Variants in TNNI3K observed in about 807,000 individuals in gnomAD.
TNNI3K encodes TNNI3 interacting kinase.
Under a neutral mutation model 114.5 loss-of-function variants are expected in TNNI3K, and 140 were observed. That is an observed-to-expected ratio of 1.22 (90% CI 1.07 to 1.41). The LOEUF is 1.41. Ranked by LOEUF, TNNI3K falls within the 40% of genes most tolerant of loss-of-function variation. TNNI3K has a pLI of 0.00. For synonymous variants in TNNI3K, 347 were observed against 347.5 expected (o/e 1.00, Z 0.02); for missense variants, 1,125 against 1,007.6 (o/e 1.12, Z -1.58).
At chr1:74,540,599 C>CT (rs138609658) in intron 24 of TNNI3K, among the ~76,000 whole-genome samples, 57,244 of 109,996 alleles carry the variant, frequency 0.52, 12,964 homozygotes, top group Non-Finnish European at 0.61. Flanking sequence ...AAGTACAACT[C>CT]TTTTTTTAAA....
At chr1:74,245,456 A>AT (rs978262943) in intron 2 of TNNI3K, among the ~76,000 whole-genome samples, 1 of 152,130 alleles carries the variant, frequency 6.6e-6, no homozygotes, top group Non-Finnish European at 1.5e-5. Flanking sequence ...CTCCCAGGAC[A>AT]TTTTTCAGTA....
chr1:74,373,117 C>T (rs1216605078), intron 17 of TNNI3K: 1 of 151,828 alleles, frequency 6.6e-6, no homozygotes, highest in African/African-American at 2.4e-5. Flanking sequence ...GAGCCTGGGT[C>T]CTTTCCCTCA....
chr1:74,442,921 A>G (rs1666440983), intron 20 of TNNI3K, among the ~76,000 whole-genome samples: 1 of 151,580 alleles, frequency 6.6e-6, no homozygotes, highest in Admixed American at 6.6e-5. Flanking sequence ...TCCTGAGTAA[A>G]AAAATGAAAT....
chr1:74,398,714 C>T (rs145219748), intron 17 of TNNI3K, among the ~76,000 whole-genome samples: 5 of 152,190 alleles, frequency 3.3e-5, no homozygotes, highest in African/African-American at 4.8e-5. Flanking sequence ...TTGATTCAGA[C>T]GATGGGAGCC....
At chr1:74,381,287 C>G (rs1383916392) in intron 17 of TNNI3K, among the ~76,000 whole-genome samples, 2 of 152,108 alleles carry the variant, frequency 1.3e-5, no homozygotes, top group Non-Finnish European at 1.5e-5. Context: ...TACCTGTGTC[C>G]TTGGTCAATT....
intron 17 of TNNI3K, among the ~76,000 whole-genome samples, chr1:74,394,410 A>G (rs918180561): frequency 6.6e-6 from 1 of 152,192 alleles, no homozygotes; most frequent in African/African-American, 2.4e-5. Context: ...TATTTACTAT[A>G]TGAAGGAAAT....
At chr1:74,305,766 AACTCATTAAAAAT>A (rs1417954740) in intron 5 of TNNI3K, among the ~76,000 whole-genome samples, 2 of 152,222 alleles carry the variant, frequency 1.3e-5, no homozygotes, top group African/African-American at 4.8e-5. Flanking sequence ...CAAAAGAAAG[AACTCATTAAAAAT>A]ACATATTATA....
At chr1:74,259,849 C>T (rs532010060) in intron 4 of TNNI3K, among the ~76,000 whole-genome samples, 2 of 152,128 alleles carry the variant, frequency 1.3e-5, no homozygotes, top group Non-Finnish European at 2.9e-5. Context: ...TAATGTTTTA[C>T]TAGCTAACTA....
chr1:74,276,836 T>G (rs917321368), intron 5 of TNNI3K, among the ~76,000 whole-genome samples: 2 of 152,128 alleles, frequency 1.3e-5, no homozygotes, highest in African/African-American at 4.8e-5. Flanking sequence ...GCAGCTGTCT[T>G]CTTCAATAAT....
At chr1:74,445,578 C>A (rs1570629357) in intron 20 of TNNI3K, among the ~76,000 whole-genome samples, 1 of 150,602 alleles carries the variant, frequency 6.6e-6, no homozygotes, top group Non-Finnish European at 1.5e-5. Context: ...GCATAGTATT[C>A]CATGGTGTAT....
chr1:74,338,506 C>T (rs951148540), intron 7 of TNNI3K, among the ~76,000 whole-genome samples: 3 of 151,906 alleles, frequency 2.0e-5, no homozygotes, highest in African/African-American at 2.4e-5. Flanking sequence ...ATTCTTCCAT[C>T]GACCCCCAAG....
At chr1:74,486,507 C>T (rs200577328) in intron 21 of TNNI3K, among the ~76,000 whole-genome samples, 14 of 137,080 alleles carry the variant, frequency 1.0e-4, no homozygotes, top group African/African-American at 8.1e-5. Flanking sequence ...TTGTTTTTTG[C>T]TTTTTTTTTT....
At chr1:74,470,707 A>G (rs1667884455) in intron 21 of TNNI3K, 1 of 400,514 alleles carries the variant, frequency 2.5e-6, no homozygotes, top group East Asian at 3.6e-5. Flanking sequence ...GGGTTTTGTC[A>G]TTAATGTTTT....
At chr1:74,304,434 T>C (rs1477574467) in intron 5 of TNNI3K, among the ~76,000 whole-genome samples, 1 of 152,068 alleles carries the variant, frequency 6.6e-6, no homozygotes, top group African/African-American at 2.4e-5. Context: ...AGCAATAAAG[T>C]GATGATGATT....
intron 17 of TNNI3K, among the ~76,000 whole-genome samples, chr1:74,434,176 C>T (rs551655804): frequency 6.6e-6 from 1 of 152,162 alleles, no homozygotes; most frequent in South Asian, 2.1e-4. Flanking sequence ...CATCCTGCAT[C>T]AAGTCCAGAA....
intron 17 of TNNI3K, among the ~76,000 whole-genome samples, chr1:74,397,317 A>G (rs1326619662): frequency 6.6e-6 from 1 of 152,170 alleles, no homozygotes; most frequent in Non-Finnish European, 1.5e-5. Flanking sequence ...GGAAGAGTAC[A>G]AGAGGAAGAA....
chr1:74,249,588 T>A, intron 3 of TNNI3K, 44 bp downstream of exon 3: 1 of 1,577,688 alleles, frequency 6.3e-7, no homozygotes, highest in Non-Finnish European at 8.7e-7. Flanking sequence ...GTTATATGTG[T>A]ATATCGTCAG....
intron 17 of TNNI3K, among the ~76,000 whole-genome samples, chr1:74,422,163 T>C (rs1052045239): frequency 1.3e-5 from 2 of 151,874 alleles, no homozygotes; most frequent in African/African-American, 4.8e-5. Flanking sequence ...CTACCTAAGG[T>C]TATGTATTCT....
chr1:74,509,541 C>G (rs1276410776), intron 23 of TNNI3K, among the ~76,000 whole-genome samples: 1 of 151,942 alleles, frequency 6.6e-6, no homozygotes, highest in African/African-American at 2.4e-5. Context: ...AAATCGTATA[C>G]TCTTTTCTTC....
Sources: allele counts gnomAD v4.1 joint callset (sites outside exome capture counted in the v4.1 genomes callset), GRCh38; gene constraint gnomAD v4.1.1; transcripts MANE v1.5; gene names NCBI Gene and HGNC (gene_info 2026-07-23, HGNC 2026-07-21).